LRRD1: variants seen among roughly 807,000 people sequenced by gnomAD.
LRRD1 encodes leucine rich repeats and death domain containing 1.
A neutral mutation model predicts 69.5 loss-of-function variants in LRRD1; 49 were observed. The observed-to-expected ratio is 0.70, with a 90% CI of 0.56 to 0.89. The LOEUF (loss-of-function observed/expected upper bound fraction) is 0.89, where lower values mean the gene tolerates loss of function less well. Among genes scored for constraint, LRRD1 ranks in the 40% least tolerant of loss-of-function variants. LRRD1 has a pLI of 0.00. For synonymous variants in LRRD1, 303 were observed against 338.9 expected (o/e 0.89, Z 1.16); for missense variants, 853 against 956.0 (o/e 0.89, Z 1.42).
Position 92,163,752 on chromosome 7 carries a change from C to T in LRRD1, c.1451G>A (p.Cys484Tyr). Residue 484 changes from cysteine to tyrosine, a missense_variant, in exon 2 of 6, where the codon TGT (cysteine) becomes TAT (tyrosine). Coordinates refer to ENST00000458448, the MANE Select transcript of LRRD1 (RefSeq NM_001161528.2). ...CAAATAATAAAGAGAATCTAAAGCACACAGTCCCAATGGAAAATACATTAT... is the reference window on the plus strand; with the variant it reads ...CAAATAATAAAGAGAATCTAAAGCATACAGTCCCAATGGAAAATACATTAT... ...NKIMYFPLGL[C>Y]ALDSLYYLSV... 6.6e-7 allele frequency: 1 copy of T among 1,513,116 alleles called. No homozygotes were observed. The highest frequency in any genetic ancestry group is 1.4e-5 in the African/African-American group (1 of 70,786). The allele number at this position is 1,513,116 out of a possible 1,614,324, so 93.7% of individuals were successfully genotyped here.
In LRRD1 at chr7:92,158,987, A is replaced by T. The variant is rs1178995169; in HGVS notation, c.2116+18T>A. On this transcript the variant is annotated intron_variant, in intron 3 of 5. Transcript: ENST00000458448. ...CTCTACTTATTGATTATGCTTACTG[A>T]TTATGCTTGACACTCACCACTCAGG... 6.6e-7 allele frequency: 1 copy of T among 1,521,474 alleles called. No individual in the cohort carries two copies. Among genetic ancestry groups the T allele is most frequent in the Non-Finnish European group, 8.8e-7 (1 of 1,135,762 alleles). 94.2% of individuals were successfully genotyped at this position (1,521,474 alleles called of 1,614,324 possible). A position where few individuals can be genotyped will look rare whatever the true frequency, so the allele number is the denominator to read the frequency against.
intron 4 of LRRD1, among the ~76,000 whole-genome samples, chr7:92,148,953 T>A (rs1475687508): frequency 2.0e-5 from 3 of 152,168 alleles, no homozygotes; most frequent in Non-Finnish European, 2.9e-5. Flanking sequence ...TTCACCATGT[T>A]GGCCAGGCTG....
At chr7:92,170,821 C>A (rs1249829018) in intron 1 of LRRD1, among the ~76,000 whole-genome samples, 1 of 151,950 alleles carries the variant, frequency 6.6e-6, no homozygotes, top group Admixed American at 6.6e-5. Context: ...TCAACAAATT[C>A]AAAAAAATTG....
chr7:92,165,634 C>A (rs917310365), intron 1 of LRRD1, among the ~76,000 whole-genome samples: 4 of 151,786 alleles, frequency 2.6e-5, no homozygotes, highest in Non-Finnish European at 4.4e-5. Flanking sequence ...GCCGAAGGGG[C>A]GGATCACTTT....
chr7:92,144,496 G>C (rs1820262496), downstream of LRRD1, among the ~76,000 whole-genome samples: 1 of 151,782 alleles, frequency 6.6e-6, no homozygotes, highest in East Asian at 1.9e-4. Context: ...GCGTGGTGGT[G>C]GGCGCCTGTA....
At chr7:92,165,307 T>G (rs1788884205) in intron 1 of LRRD1, 31 bp from the exon 2 acceptor site, 1 of 548,578 alleles carries the variant, frequency 1.8e-6, no homozygotes, top group South Asian at 6.2e-5. Flanking sequence ...TTAAAAGATG[T>G]AAGAGATGTC....
rs1331982941 is a variant in LRRD1, at chr7:92,144,922, G to A, written c.2549C>T (p.Ala850Val). The A allele has an allele frequency of 2.6e-6, 4 of 1,521,244 alleles. No individual in the cohort carries two copies. The highest frequency in any genetic ancestry group is 1.3e-5 in the South Asian group (1 of 78,248). The allele number at this position is 1,521,244 out of a possible 1,614,324, so 94.2% of individuals were successfully genotyped here. Residue 850 changes from alanine (A) to valine (V), a missense_variant, in exon 6 of 6, where the codon GCT becomes GTT. Physicochemically the swap from Ala to Val is moderately conservative, Grantham distance 64 (BLOSUM62 0). Around this residue, in one of 3 missense-constraint regions of LRRD1, gnomAD observed 739 missense variants for 808.0 expected, o/e 0.91. Coordinates refer to ENST00000458448, the MANE Select transcript of LRRD1 (RefSeq NM_001161528.2). Reference sequence around the variant, plus strand: ...AATTGCACGCGTAAAAAGATTTAAAGCTGTTATTTTGTCCATAATTTCATA... The same window carrying A: ...AATTGCACGCGTAAAAAGATTTAAAACTGTTATTTTGTCCATAATTTCATA... ...GAYEIMDKITALNLFTRAIKF is the reference protein window; with the variant it reads ...GAYEIMDKITVLNLFTRAIKF
chr7:92,170,644 T>A (rs1031858307), intron 1 of LRRD1, among the ~76,000 whole-genome samples: 3 of 152,076 alleles, frequency 2.0e-5, no homozygotes, highest in African/African-American at 7.2e-5. Context: ...GATCATCCAG[T>A]CAAAAAATCA....
chr7:92,167,512 A>G (rs1445330999), intron 1 of LRRD1, among the ~76,000 whole-genome samples: 1 of 152,222 alleles, frequency 6.6e-6, no homozygotes, highest in Non-Finnish European at 1.5e-5. Context: ...AAATTATTTC[A>G]AAATAGAAAA....
In LRRD1 at chr7:92,144,872, A is replaced by G; in HGVS notation, c.*16T>C. The G allele has an allele frequency of 7.0e-7, 1 of 1,433,432 alleles. No individual in the cohort carries two copies. The allele number at this position is 1,433,432 out of a possible 1,614,324, so 88.8% of individuals were successfully genotyped here. The stretch of plus-strand genomic sequence containing the variant: ...AGTGCATCAAAAGTTTTCAGTTTTT[A>G]TTATTGATCCACTGGTTAGAATTTA... On this transcript the variant is annotated 3_prime_UTR_variant, in exon 6 of 6. Coordinates refer to ENST00000458448, the MANE Select transcript of LRRD1 (RefSeq NM_001161528.2).
chr7:92,174,509 A>ATTTT (rs35052440), intron 1 of LRRD1, among the ~76,000 whole-genome samples: 12 of 12,870 alleles, frequency 9.3e-4, no homozygotes, highest in South Asian at 3.6e-3. Flanking sequence ...ATATATATAT[A>ATTTT]TTTTTTTTTT....
intron 1 of LRRD1, among the ~76,000 whole-genome samples, chr7:92,174,500 TATATATA>T (rs1789134697): frequency 1.0e-3 from 21 of 20,416 alleles, no homozygotes; most frequent in African/African-American, 2.1e-3. Flanking sequence ...TATATATATA[TATATATA>T]TATTTTTTTT....
intron 1 of LRRD1, among the ~76,000 whole-genome samples, chr7:92,170,291 A>G (rs1368981071): frequency 6.6e-6 from 1 of 152,222 alleles, no homozygotes; most frequent in East Asian, 1.9e-4. Context: ...GATATCCAAG[A>G]GGGAGCTGAT....
chr7:92,150,769 T>G, intron 3 of LRRD1, 74 bp from the exon 4 acceptor site: 1 of 1,129,560 alleles, frequency 8.9e-7, no homozygotes, highest in Non-Finnish European at 1.2e-6. Flanking sequence ...ACATCTGTTA[T>G]GTCTTGCTGG....
chr7:92,163,364 T>G lies in LRRD1; in HGVS notation c.1839A>C (p.Gln613His), dbSNP rs1471867734. ...ACAGTTCAATAGGAAAATGTATAAA[T>G]TGATTGCTTGAGAAGTTTAATTTCT... The part of the protein sequence containing the change: ...GIQKLNFSSN[Q>H]FIHFPIELCQ... Residue 613 changes from glutamine to histidine, a missense_variant, in exon 2 of 6, where the codon CAA becomes CAC. This residue lies in a region of LRRD1 where 739 missense variants were observed against 808.0 expected (regional missense o/e 0.91). Coordinates refer to ENST00000458448, the MANE Select transcript of LRRD1 (RefSeq NM_001161528.2). 2 of 1,544,426 alleles carry G rather than the reference T, an allele frequency of 1.3e-6. No homozygotes were observed. Among genetic ancestry groups the G allele is most frequent in the Non-Finnish European group, 8.7e-7 (1 of 1,144,984 alleles).
intron 5 of LRRD1, among the ~76,000 whole-genome samples, chr7:92,145,318 C>T (rs186579160): frequency 6.6e-6 from 1 of 152,140 alleles, no homozygotes; most frequent in Admixed American, 6.6e-5. Context: ...TAGCTCCAGC[C>T]CATCCCTTGT....
Position 92,149,852 on chromosome 7 carries a change from T to C in LRRD1, c.2278+682A>G, listed in dbSNP as rs372277524. 46 of 450,658 alleles carry C rather than the reference T, an allele frequency of 1.0e-4. No individual in the cohort carries two copies. In the East Asian group the frequency reaches 2.4e-3, roughly 24 times the overall value. 27.9% of individuals were successfully genotyped at this position (450,658 alleles called of 1,614,324 possible). ...ACAGGCATGAGCCACCACACGCAAC[T>C]CCAAATGTCTTTTAGAACAACTACA... On this transcript the variant is annotated intron_variant, in intron 4 of 5. Coordinates refer to ENST00000458448, the MANE Select transcript of LRRD1 (RefSeq NM_001161528.2).
Position 92,164,045 on chromosome 7 carries a change from A to G in LRRD1, c.1158T>C (p.Asn386=). The G allele has an allele frequency of 6.5e-7, 1 of 1,540,694 alleles. No homozygotes were observed. Among genetic ancestry groups the G allele is most frequent in the Non-Finnish European group, 8.7e-7 (1 of 1,143,288 alleles). Residue 386 remains asparagine (N), a synonymous_variant, in exon 2 of 6, where the codon AAT becomes AAC. Coordinates refer to ENST00000458448, the MANE Select transcript of LRRD1 (RefSeq NM_001161528.2). The part of the protein sequence containing the change: ...ILILDKNLLK[N]IPEKISCCAM... ...CACAGCAAGATATTTTCTCTGGTAT[A>G]TTTTTCAATAAATTTTTATCAAGTA...
intron 3 of LRRD1, among the ~76,000 whole-genome samples, chr7:92,151,856 G>A (rs1796113638): frequency 6.6e-6 from 1 of 151,730 alleles, no homozygotes; most frequent in South Asian, 2.1e-4. Flanking sequence ...GGCTGAGACA[G>A]GAGAATTGCA....
Sources: allele counts gnomAD v4.1 joint callset (sites outside exome capture counted in the v4.1 genomes callset), GRCh38; gene constraint gnomAD v4.1.1; regional missense constraint gnomAD v4.1.1; transcripts MANE v1.5; gene names NCBI Gene and HGNC (gene_info 2026-07-23, HGNC 2026-07-21).